Variants in DHRS1 observed in about 807,000 individuals in gnomAD.
The protein encoded by DHRS1 is dehydrogenase/reductase SDR family member 1.
In DHRS1, 34 loss-of-function variants were observed where a neutral mutation model predicts 35.2. That is an observed-to-expected ratio of 0.97 (90% CI 0.74 to 1.29). The LOEUF is 1.29. DHRS1 is among the 50% of genes most tolerant of loss of function. DHRS1 has a pLI of 0.00. For synonymous variants in DHRS1, 133 were observed against 160.0 expected (o/e 0.83, Z 1.27); for missense variants, 354 against 403.6 (o/e 0.88, Z 1.05).
Position 24,299,126 on chromosome 14 carries a change from C to G in DHRS1, c.-20G>C. 4.4e-6 allele frequency: 7 copies of G among 1,605,000 alleles called. No homozygotes were observed. The highest frequency in any genetic ancestry group is 3.3e-4 in the Middle Eastern group (2 of 6,038). ...TGCCATGACTCACAGGCAAAGGAGG[C>G]AGGTCTGTGGAAGCAAAGACTTACT... On this transcript the variant is annotated 5_prime_UTR_variant, in exon 2 of 9. Coordinates refer to ENST00000288111, the MANE Select transcript of DHRS1 (RefSeq NM_001136050.3).
intron 2 of DHRS1, chr14:24,298,710 G>C (rs1246304824): frequency 1.2e-5 from 5 of 432,302 alleles, no homozygotes; most frequent in Non-Finnish European, 2.1e-5. Context: ...CGGAGTAGCT[G>C]CTGGGACTGC....
rs746955860 is a variant in DHRS1 at position 24,298,992 on chromosome 14, G to T, written c.115C>A (p.Arg39Ser). The stretch of plus-strand genomic sequence containing the variant: ...ACAACGCGAAGGGTGTCCAGATGGC[G>T]GCCAGTGATGTAAACTGTGGCGCCT... ...KAGATVYITGRHLDTLRVVAQ... is the reference protein window; with the variant it reads ...KAGATVYITGSHLDTLRVVAQ... The change falls in exon 2 of 9, where the codon CGC (arginine) becomes AGC (serine). Residue 39 changes from arginine to serine, a missense_variant. Physicochemically the swap from Arg to Ser is moderately radical, Grantham distance 110. Transcript: ENST00000288111. The T allele has an allele frequency of 1.5e-5, 24 of 1,613,112 alleles. No individual in the cohort carries two copies. The highest frequency in any genetic ancestry group is 1.8e-5 in the Non-Finnish European group (21 of 1,179,262).
At chr14:24,291,376 G>C in intron 7 of DHRS1, 157 bp from the exon 8 acceptor site, 1 of 1,053,086 alleles carries the variant, frequency 9.5e-7, no homozygotes, top group Non-Finnish European at 1.5e-6. Context: ...CACTTCCCAG[G>C]AGCCTGCTCC....
chr14:24,293,023 G>C (rs2041189976), intron 4 of DHRS1: 2 of 492,514 alleles, frequency 4.1e-6, no homozygotes, highest in Admixed American at 4.0e-5. Flanking sequence ...GAACGCAAGA[G>C]CCCTGTCACA....
At chr14:24,296,922 G>A in intron 2 of DHRS1, 41 bp from the exon 3 acceptor site, 1 of 1,611,654 alleles carries the variant, frequency 6.2e-7, no homozygotes, top group Non-Finnish European at 8.5e-7. Context: ...TTCACACATG[G>A]GTGTGAGTCA....
In DHRS1 at chr14:24,299,715, G is replaced by C. The variant is rs1023167446; in HGVS notation, c.-159C>G. The stretch of plus-strand genomic sequence containing the variant: ...CTGTAGTAGGACCCGGGGCGATTCT[G>C]TGCTGAGGTAGAGGGGCAGAGTCCC... On this transcript the variant is annotated 5_prime_UTR_variant, in exon 1 of 9. Coordinates refer to ENST00000288111, the MANE Select transcript of DHRS1 (RefSeq NM_001136050.3). 9.9e-6 allele frequency: 5 copies of C among 506,488 alleles called. No homozygotes were observed. In the East Asian group the frequency reaches 1.6e-4, roughly 16 times the overall value. 31.4% of individuals were successfully genotyped at this position (506,488 alleles called of 1,614,324 possible). A position where few individuals can be genotyped will look rare whatever the true frequency, so the allele number is the denominator to read the frequency against.
Position 24,290,892 on chromosome 14 carries a change from C to T in DHRS1, c.909G>A (p.Lys303=). The change falls in exon 9 of 9, where the codon AAG becomes AAA. Residue 303 remains lysine, a synonymous_variant. Transcript: ENST00000288111. ...SYLPSFLRVP[K]WIIALYTSKF is the part of the protein sequence containing the mutation. Reference sequence around the variant, plus strand: ...TGCTAGTGTAGAGGGCAATAATCCACTTGGGCACACGGAGGAAGGAGGGCA... The same window carrying T: ...TGCTAGTGTAGAGGGCAATAATCCATTTGGGCACACGGAGGAAGGAGGGCA... The T allele has an allele frequency of 6.2e-7, 1 of 1,613,888 alleles. No homozygotes were observed. The highest frequency in any genetic ancestry group is 8.5e-7 in the Non-Finnish European group (1 of 1,180,006).
chr14:24,297,919 T>C (rs1254558293), intron 2 of DHRS1, among the ~76,000 whole-genome samples: 1 of 152,236 alleles, frequency 6.6e-6, no homozygotes, highest in Non-Finnish European at 1.5e-5. Context: ...TCCTATGTCA[T>C]CTGGATGCTC....
chr14:24,292,134 C>G, intron 6 of DHRS1, 50 bp downstream of exon 6: 2 of 1,610,734 alleles, frequency 1.2e-6, no homozygotes, highest in South Asian at 1.1e-5. Context: ...ATTGAGGATG[C>G]AGAGGCCGAC....
rs1230115208 is a variant in DHRS1 at position 24,290,676 on chromosome 14, A to T, written c.*183T>A. 1.1e-5 allele frequency: 7 copies of T among 638,662 alleles called. No homozygotes were observed. Among genetic ancestry groups the T allele is most frequent in the Non-Finnish European group, 1.6e-5 (6 of 376,480 alleles). The allele number at this position is 638,662 out of a possible 1,614,324, so 39.6% of individuals were successfully genotyped here. A position where few individuals can be genotyped will look rare whatever the true frequency, so the allele number is the denominator to read the frequency against. On this transcript the variant is annotated 3_prime_UTR_variant, in exon 9 of 9. Coordinates refer to ENST00000288111, the MANE Select transcript of DHRS1 (RefSeq NM_001136050.3). Reference sequence around the variant, plus strand: ...GCAAAAAGTAAAAAGAAGGACAAGGAAAACCAAGGCACAAAGAAGGGACCT... The same window carrying T: ...GCAAAAAGTAAAAAGAAGGACAAGGTAAACCAAGGCACAAAGAAGGGACCT...
At chr14:24,297,145 C>T (rs183776010) in intron 2 of DHRS1, among the ~76,000 whole-genome samples, 12 of 152,224 alleles carry the variant, frequency 7.9e-5, no homozygotes, top group Non-Finnish European at 1.3e-4. Context: ...ACCATGTGCA[C>T]AGCATTGTAC....
chr14:24,296,597 C>T lies in DHRS1; in HGVS notation c.295-9G>A. 1.2e-6 allele frequency: 2 copies of T among 1,613,660 alleles called. No individual in the cohort carries two copies. The highest frequency in any genetic ancestry group is 1.7e-6 in the Non-Finnish European group (2 of 1,179,958). On this transcript the variant is annotated splice_polypyrimidine_tract_variant and intron_variant, in intron 3 of 8. Transcript: ENST00000288111. ...CTGGTGTTCAGGATCGTCTGGAAGG[C>T]ACAGGGAGGGTGATGAATGATCTGA...
chr14:24,292,403 A>ACCCACC, intron 5 of DHRS1, 73 bp from the exon 6 acceptor site: 8 of 1,590,128 alleles, frequency 5.0e-6, no homozygotes, highest in African/African-American at 1.3e-5. Context: ...CTCTGCTTCT[A>ACCCACC]CTGTGAATGC....
At chr14:24,297,336 G>A (rs767156021) in intron 2 of DHRS1, among the ~76,000 whole-genome samples, 3 of 152,068 alleles carry the variant, frequency 2.0e-5, no homozygotes, top group Non-Finnish European at 4.4e-5. Context: ...AATGCTCCTG[G>A]TTGGTAATTG....
rs1426830642 is a variant in DHRS1, at chr14:24,296,823, T to C, written c.209A>G (p.Glu70Gly). 2 of 1,614,120 alleles carry C rather than the reference T, an allele frequency of 1.2e-6. No individual in the cohort carries two copies. The highest frequency in any genetic ancestry group is 8.5e-7 in the Non-Finnish European group (1 of 1,180,044). The change falls in exon 3 of 9, where the codon GAA (glutamate) becomes GGA (glycine). Residue 70 changes from glutamate to glycine, a missense_variant. Glu to Gly is a moderately conservative substitution (Grantham distance 98, BLOSUM62 -2). Coordinates refer to ENST00000288111, the MANE Select transcript of DHRS1 (RefSeq NM_001136050.3). ...PVVCDSSQES[E>G]VRSLFEQVDR... ...CACTTGCTCAAACAGGCTTCGCACTTCACTCTCCTGGCTTGAATCGCACAC... is the reference window on the plus strand; with the variant it reads ...CACTTGCTCAAACAGGCTTCGCACTCCACTCTCCTGGCTTGAATCGCACAC...
chr14:24,299,195 G>C (rs1348539272), intron 1 of DHRS1, 65 bp from the exon 2 acceptor site: 10 of 1,443,972 alleles, frequency 6.9e-6, no homozygotes, highest in Middle Eastern at 3.8e-4. Flanking sequence ...GGCGAGGTTG[G>C]GGGGTAGGGG....
chr14:24,295,137 A>G (rs2139096494), intron 4 of DHRS1, among the ~76,000 whole-genome samples: 1 of 152,366 alleles, frequency 6.6e-6, no homozygotes, highest in Non-Finnish European at 1.5e-5. Context: ...AGAGAAATAA[A>G]TGATCATACA....
intron 2 of DHRS1, 46 bp downstream of exon 2, chr14:24,298,911 T>G: frequency 1.9e-6 from 3 of 1,562,432 alleles, no homozygotes; most frequent in South Asian, 1.2e-5. Flanking sequence ...GTGGAAGGGC[T>G]CTCTCGGGTG....
At chr14:24,298,844 A>G in intron 2 of DHRS1, 113 bp downstream of exon 2, 3 of 1,189,040 alleles carry the variant, frequency 2.5e-6, no homozygotes, top group South Asian at 4.2e-5. Context: ...ATAAATATTC[A>G]CATCTTGTTG....
Sources: allele counts gnomAD v4.1 joint callset (sites outside exome capture counted in the v4.1 genomes callset), GRCh38; gene constraint gnomAD v4.1.1; transcripts MANE v1.5; gene names NCBI Gene and HGNC (gene_info 2026-07-23, HGNC 2026-07-21).